NOVA1: variants seen among roughly 807,000 people sequenced by gnomAD.
The protein encoded by NOVA1 is RNA-binding protein Nova-1.
NOVA1 carries 7 observed loss-of-function variants against 38.0 expected under a neutral mutation model. The observed-to-expected ratio is 0.18, with a 90% CI of 0.10 to 0.35. The LOEUF (loss-of-function observed/expected upper bound fraction) is 0.35. Ranked by LOEUF, NOVA1 falls within the 10% of genes least tolerant of loss-of-function variation. The pLI, the probability that NOVA1 is intolerant of heterozygous loss-of-function variation, is 1.00. For synonymous variants in NOVA1, 270 were observed against 232.5 expected (o/e 1.16, Z -1.47); for missense variants, 460 against 616.0 (o/e 0.75, Z 2.68).
Position 26,521,598 on chromosome 14 carries a change from T to C in NOVA1, c.281-41455A>G, listed in dbSNP as rs1266833810. On this transcript the variant is annotated intron_variant, in intron 2 of 4. Coordinates refer to ENST00000539517, the MANE Select transcript of NOVA1 (RefSeq NM_002515.3). ...TTGATCATCGTATAAATATATTTCA[T>C]TCTTTGTAAACTTAGTTCTTAAAAT... 2.0e-5 allele frequency among the ~76,000 whole-genome samples: 3 copies of C among 152,090 alleles called. No individual in the cohort carries two copies. The East Asian group carries it at 5.8e-4, about 29-fold the overall frequency.
intron 3 of NOVA1, among the ~76,000 whole-genome samples, chr14:26,473,161 A>C (rs187389835): frequency 5.3e-5 from 8 of 151,892 alleles, no homozygotes; most frequent in African/African-American, 1.9e-4. Flanking sequence ...AATATTAGGA[A>C]TCATATTTAT....
Position 26,482,726 on chromosome 14 carries a change from C to T in NOVA1, c.281-2583G>A, listed in dbSNP as rs1370005169. Among the ~76,000 whole-genome samples the T allele has an allele frequency of 2.6e-5, 4 of 152,082 alleles. No homozygotes were observed. The East Asian group carries it at 5.8e-4, about 22-fold the overall frequency. On this transcript the variant is annotated intron_variant, in intron 2 of 4. Coordinates refer to ENST00000539517, the MANE Select transcript of NOVA1 (RefSeq NM_002515.3). ...TTAATTAATTTTTTTGAGACAGAGT[C>T]TCACTTTATCACTCAGGCTGGAGTG...
At chr14:26,497,155 GACAA>G (rs1326515287) in intron 2 of NOVA1, among the ~76,000 whole-genome samples, 38 of 152,188 alleles carry the variant, frequency 2.5e-4, no homozygotes, top group African/African-American at 7.9e-4. Flanking sequence ...ACCAATAACA[GACAA>G]ACAGAGAGCC....
At chr14:26,476,951 G>C (rs1243628728) in intron 3 of NOVA1, among the ~76,000 whole-genome samples, 2 of 151,582 alleles carry the variant, frequency 1.3e-5, no homozygotes, top group East Asian at 3.9e-4. Flanking sequence ...CCGACCTCAG[G>C]TGCTCTGCTC....
intron 2 of NOVA1, among the ~76,000 whole-genome samples, chr14:26,562,380 A>T (rs866406644): frequency 3.3e-5 from 5 of 152,188 alleles, no homozygotes; most frequent in South Asian, 2.1e-4. Context: ...AAAAGCACTT[A>T]GAAAAAGTCT....
At chr14:26,519,170 T>C (rs567964144) in intron 2 of NOVA1, 1 of 147,842 alleles carries the variant, frequency 6.8e-6, no homozygotes, top group Non-Finnish European at 1.5e-5. Flanking sequence ...CCAATATAAC[T>C]ATATAATGTA....
intron 2 of NOVA1, among the ~76,000 whole-genome samples, chr14:26,584,558 C>G (rs985728983): frequency 4.0e-5 from 6 of 151,284 alleles, no homozygotes; most frequent in African/African-American, 1.5e-4. Context: ...CTTACCTGTA[C>G]AGATATCTAT....
At chr14:26,519,426 G>A (rs1156754708) in intron 2 of NOVA1, 1 of 152,132 alleles carries the variant, frequency 6.6e-6, no homozygotes, top group Non-Finnish European at 1.5e-5. Flanking sequence ...CACAAACTAA[G>A]AATAGGTAGA....
intron 2 of NOVA1, among the ~76,000 whole-genome samples, chr14:26,489,305 A>C (rs17111282): frequency 0.23 from 34,635 of 151,918 alleles, 4,428 homozygotes; most frequent in East Asian, 0.33. Context: ...GCATTTGTTG[A>C]AATTTCAAGG....
chr14:26,587,846 A>G (rs1165736515), intron 2 of NOVA1, among the ~76,000 whole-genome samples: 1 of 151,022 alleles, frequency 6.6e-6, no homozygotes, highest in Non-Finnish European at 1.5e-5. Flanking sequence ...ATGCACTACT[A>G]TTGGTTCTAT....
intron 2 of NOVA1, among the ~76,000 whole-genome samples, chr14:26,485,653 T>C (rs1885828155): frequency 1.3e-5 from 2 of 152,132 alleles, no homozygotes; most frequent in South Asian, 4.1e-4. Context: ...ATAACGAACA[T>C]ATGCTAATGA....
rs554934905 is a variant in NOVA1, at chr14:26,511,493, C to A, written c.281-31350G>T. Among the ~76,000 whole-genome samples, 10 of 152,158 alleles carry A rather than the reference C, an allele frequency of 6.6e-5. No individual in the cohort carries two copies. The South Asian group carries it at 2.1e-3, about 32-fold the overall frequency. On this transcript the variant is annotated intron_variant, in intron 2 of 4. Transcript: ENST00000539517. ...TTTAAAGAAGAGCTTCCTGGCCGGG[C>A]GCGGTGACTCATGCCTGTAATCCCA...
intron 2 of NOVA1, among the ~76,000 whole-genome samples, chr14:26,515,694 A>C (rs1594444951): frequency 6.6e-6 from 1 of 152,168 alleles, no homozygotes; most frequent in Non-Finnish European, 1.5e-5. Flanking sequence ...GATGAAAGGA[A>C]AAGCAAGTAC....
chr14:26,489,511 TATA>T (rs937140798), intron 2 of NOVA1, among the ~76,000 whole-genome samples: 10 of 151,420 alleles, frequency 6.6e-5, no homozygotes, highest in Non-Finnish European at 1.2e-4. Flanking sequence ...TTAAAAGTAT[TATA>T]TTATTATTAA....
At position 26,529,628 on chromosome 14, in the gene NOVA1, G is replaced by T. The variant is rs544933340; in HGVS notation, c.281-49485C>A. 2.0e-4 allele frequency among the ~76,000 whole-genome samples: 30 copies of T among 152,300 alleles called. No individual in the cohort carries two copies. In the South Asian group the frequency reaches 3.3e-3, roughly 17 times the overall value. On this transcript the variant is annotated intron_variant, in intron 2 of 4. Transcript: ENST00000539517. ...GTTCGTGATCCTCTGGAAAATGAGA[G>T]AATGGGAGACTATCACAAACAGTTT...
In NOVA1 at chr14:26,597,704, G is replaced by T; in HGVS notation, c.-268C>A. 8.8e-7 allele frequency: 1 copy of T among 1,135,228 alleles called. No individual in the cohort carries two copies. Among genetic ancestry groups the T allele is most frequent in the Non-Finnish European group, 1.1e-6 (1 of 929,254 alleles). 70.3% of individuals were successfully genotyped at this position (1,135,228 alleles called of 1,614,324 possible). On this transcript the variant is annotated 5_prime_UTR_variant, in exon 1 of 5. Coordinates refer to ENST00000539517, the MANE Select transcript of NOVA1 (RefSeq NM_002515.3). ...ATGGAGGGGGTGTGAGAGACGGAGG[G>T]TGAAAGAAGAAGAAGAAAGGAGACA...
intron 2 of NOVA1, among the ~76,000 whole-genome samples, chr14:26,574,018 T>C (rs998935204): frequency 2.7e-5 from 4 of 146,224 alleles, no homozygotes; most frequent in African/African-American, 1.0e-4. Flanking sequence ...AAAGCAAAGA[T>C]TACACTTTTT....
intron 4 of NOVA1, among the ~76,000 whole-genome samples, chr14:26,461,229 C>T (rs1883637913): frequency 6.6e-6 from 1 of 152,128 alleles, no homozygotes; most frequent in African/African-American, 2.4e-5. Context: ...AGGAATGTTA[C>T]AGAGCGACTA....
intron 2 of NOVA1, among the ~76,000 whole-genome samples, chr14:26,536,195 G>C (rs1478468720): frequency 6.6e-6 from 1 of 151,314 alleles, no homozygotes; most frequent in Non-Finnish European, 1.5e-5. Flanking sequence ...GTAGAGGATG[G>C]TTACCAGAGG....
Sources: allele counts gnomAD v4.1 joint callset (sites outside exome capture counted in the v4.1 genomes callset), GRCh38; gene constraint gnomAD v4.1.1; transcripts MANE v1.5; gene names NCBI Gene and HGNC (gene_info 2026-07-23, HGNC 2026-07-21).